TAF3: variants seen among roughly 807,000 people sequenced by gnomAD.
TAF3 encodes the protein transcription initiation factor TFIID subunit 3.
A neutral mutation model predicts 80.6 loss-of-function variants in TAF3; 7 were observed. The ratio of observed to expected loss-of-function variants is 0.09; its 90% CI spans 0.05 to 0.16. The LOEUF is 0.16. Among genes scored for constraint, TAF3 ranks in the 10% least tolerant of loss-of-function variants. The pLI is 1.00. For synonymous variants in TAF3, 444 were observed against 446.1 expected (o/e 1.00, Z 0.06); for missense variants, 921 against 1,140.2 (o/e 0.81, Z 2.77).
chr10:7,874,874 T>G (rs939873027), intron 2 of TAF3, among the ~76,000 whole-genome samples: 1 of 152,154 alleles, frequency 6.6e-6, no homozygotes, highest in African/African-American at 2.4e-5. Context: ...AAATTATGTA[T>G]TGAGCTCGGG....
chr10:8,007,844 C>T (rs1271158261), intron 4 of TAF3, among the ~76,000 whole-genome samples: 1 of 151,608 alleles, frequency 6.6e-6, no homozygotes, highest in Non-Finnish European at 1.5e-5. Flanking sequence ...ATAAATAGTG[C>T]TTTTTATAAT....
intron 2 of TAF3, among the ~76,000 whole-genome samples, chr10:7,855,596 G>A (rs899270708): frequency 2.0e-5 from 3 of 152,130 alleles, no homozygotes; most frequent in African/African-American, 7.2e-5. Context: ...AGCTCAATCC[G>A]ATTCCTCTAC....
intron 2 of TAF3, among the ~76,000 whole-genome samples, chr10:7,950,870 G>A (rs984668803): frequency 2.0e-5 from 3 of 152,206 alleles, no homozygotes; most frequent in Non-Finnish European, 4.4e-5. Flanking sequence ...TGGCCCCAAA[G>A]CATAGTGCTG....
At chr10:7,863,768 TGG>T (rs1837181003) in intron 2 of TAF3, among the ~76,000 whole-genome samples, 37 of 138,428 alleles carry the variant, frequency 2.7e-4, no homozygotes, top group African/African-American at 7.9e-4. Context: ...TATACACACA[TGG>T]CACATGTCTC....
intron 2 of TAF3, among the ~76,000 whole-genome samples, chr10:7,947,126 A>G (rs1838032641): frequency 6.6e-6 from 1 of 151,706 alleles, no homozygotes; most frequent in Non-Finnish European, 1.5e-5. Context: ...ATCTTTTCTG[A>G]TTTTCCTCCA....
chr10:7,975,655 CA>C (rs1368801464), intron 3 of TAF3, among the ~76,000 whole-genome samples: 1 of 152,118 alleles, frequency 6.6e-6, no homozygotes, highest in African/African-American at 2.4e-5. Context: ...TGCATGCAGG[CA>C]TCATGCAAGG....
At chr10:8,002,476 A>G (rs1304018249) in intron 4 of TAF3, among the ~76,000 whole-genome samples, 1 of 152,194 alleles carries the variant, frequency 6.6e-6, no homozygotes, top group Non-Finnish European at 1.5e-5. Context: ...TTTTATTTTA[A>G]TAACCATCAT....
At chr10:7,995,536 T>C (rs1362568863) in intron 4 of TAF3, among the ~76,000 whole-genome samples, 1 of 152,214 alleles carries the variant, frequency 6.6e-6, no homozygotes, top group Non-Finnish European at 1.5e-5. Flanking sequence ...ATTAATGCCC[T>C]TTTAGAGATT....
At chr10:7,914,413 A>G (rs1460621598) in intron 2 of TAF3, among the ~76,000 whole-genome samples, 2 of 152,182 alleles carry the variant, frequency 1.3e-5, no homozygotes, top group Non-Finnish European at 2.9e-5. Flanking sequence ...GTTTCACAGC[A>G]CTTATAATCT....
intron 4 of TAF3, among the ~76,000 whole-genome samples, chr10:8,008,157 C>T (rs551207011): frequency 7.7e-4 from 105 of 136,784 alleles, no homozygotes; most frequent in Admixed American, 1.6e-3. Context: ...AGTGCAGTGG[C>T]GAGATCTCGG....
intron 2 of TAF3, among the ~76,000 whole-genome samples, chr10:7,887,382 T>G (rs1428991339): frequency 1.3e-5 from 2 of 152,108 alleles, no homozygotes; most frequent in African/African-American, 4.8e-5. Context: ...CTTAGGAAAT[T>G]TTTGCAAGTG....
At chr10:7,976,631 C>T (rs994388605) in intron 3 of TAF3, among the ~76,000 whole-genome samples, 1 of 152,096 alleles carries the variant, frequency 6.6e-6, no homozygotes, top group African/African-American at 2.4e-5. Context: ...TCTCGAATTC[C>T]TGACCTCATG....
chr10:7,905,387 C>G (rs755317020), intron 2 of TAF3, among the ~76,000 whole-genome samples: 23 of 152,126 alleles, frequency 1.5e-4, no homozygotes, highest in Non-Finnish European at 2.8e-4. Context: ...TAAGTATTTT[C>G]TCTCTTTTAG....
At chr10:7,873,541 C>G (rs928058786) in intron 2 of TAF3, among the ~76,000 whole-genome samples, 6 of 150,538 alleles carry the variant, frequency 4.0e-5, no homozygotes, top group African/African-American at 1.2e-4. Flanking sequence ...TTTAGTAGAA[C>G]TGGAACAAAA....
At chr10:7,902,437 A>G (rs971543334) in intron 2 of TAF3, among the ~76,000 whole-genome samples, 37 of 152,112 alleles carry the variant, frequency 2.4e-4, no homozygotes, top group African/African-American at 8.2e-4. Flanking sequence ...AAAAAATAAT[A>G]AAAAAAGAAT....
intron 5 of TAF3, 79 bp from the exon 6 acceptor site, chr10:8,013,647 ATAAAG>A (rs1832074591): frequency 2.1e-5 from 23 of 1,081,732 alleles, no homozygotes; most frequent in Non-Finnish European, 3.1e-5. Flanking sequence ...GGTTAACAGT[ATAAAG>A]TAATCATTCT....
chr10:7,842,488 A>G (rs1836928761), intron 2 of TAF3, among the ~76,000 whole-genome samples: 1 of 152,084 alleles, frequency 6.6e-6, no homozygotes. Context: ...AGTTCCTAGA[A>G]CAGAATTGCT....
In TAF3 at chr10:7,824,516, A is replaced by G. The variant is rs1358077725; in HGVS notation, c.365A>G (p.Glu122Gly). The G allele has an allele frequency of 6.2e-7, 1 of 1,614,074 alleles. No homozygotes were observed. Among genetic ancestry groups the G allele is most frequent in the Non-Finnish European group, 8.5e-7 (1 of 1,180,032 alleles). ...AGTAAAGATGCAGAGGAAAGAAAAG[A>G]ATACATTCCTGATTACCTGCCACCC... is the stretch of plus-strand genomic sequence containing the variant. ...PGSKDAEERK[E>G]YIPDYLPPIV... Residue 122 changes from glutamate (E) to glycine (G), a missense_variant, in exon 2 of 7, where the codon GAA (glutamate) becomes GGA (glycine). By Grantham distance (98) the Glu-to-Gly change is moderately conservative. This residue lies in a region of TAF3 where 106 missense variants were observed against 191.8 expected (regional missense o/e 0.55). Transcript: ENST00000344293.
chr10:7,824,204 G>C (rs1836718799), intron 1 of TAF3, 114 bp from the exon 2 acceptor site: 1 of 1,204,474 alleles, frequency 8.3e-7, no homozygotes. Context: ...CCAATAACTA[G>C]GTTAAAATGT....
Sources: allele counts gnomAD v4.1 joint callset (sites outside exome capture counted in the v4.1 genomes callset), GRCh38; gene constraint gnomAD v4.1.1; regional missense constraint gnomAD v4.1.1; transcripts MANE v1.5; gene names NCBI Gene and HGNC (gene_info 2026-07-23, HGNC 2026-07-21).